Variants in DLG2 observed in about 807,000 individuals in gnomAD.
DLG2 encodes the protein disks large homolog 2.
In DLG2, 45 loss-of-function variants were observed where a neutral mutation model predicts 132.5. That is an observed-to-expected ratio of 0.34 (90% confidence interval 0.27 to 0.44). The LOEUF is 0.44. Ranked by LOEUF, DLG2 falls within the 20% of genes least tolerant of loss-of-function variation. The probability of loss-of-function intolerance (pLI) is 1.00; values close to 1 mark genes in which losing one functional copy is unlikely to be tolerated. For synonymous variants in DLG2, 424 were observed against 419.6 expected (o/e 1.01, Z -0.13); for missense variants, 1,045 against 1,196.9 (o/e 0.87, Z 1.87).
intron 7 of DLG2, among the ~76,000 whole-genome samples, chr11:84,329,729 C>T (rs572510104): frequency 6.6e-6 from 1 of 152,320 alleles, no homozygotes; most frequent in African/African-American, 2.4e-5. Flanking sequence ...CACAAGTGCT[C>T]ATTTAAGGGC....
At chr11:84,797,498 C>T (rs1246714146) in intron 6 of DLG2, among the ~76,000 whole-genome samples, 2 of 152,104 alleles carry the variant, frequency 1.3e-5, no homozygotes, top group Non-Finnish European at 2.9e-5. Context: ...TTGATCAATT[C>T]TGCTGTTGAG....
intron 6 of DLG2, among the ~76,000 whole-genome samples, chr11:84,642,327 A>C (rs1024553294): frequency 2.6e-5 from 4 of 151,990 alleles, no homozygotes; most frequent in Non-Finnish European, 4.4e-5. Context: ...CAACTCCTGC[A>C]GCTTTGTATA....
intron 4 of DLG2, among the ~76,000 whole-genome samples, chr11:85,182,193 T>A (rs1277902077): frequency 6.6e-6 from 1 of 151,878 alleles, no homozygotes; most frequent in African/African-American, 2.4e-5. Context: ...TTCACAAATA[T>A]CTTACGAGGG....
At chr11:85,538,827 C>T (rs1179368835) in intron 3 of DLG2, among the ~76,000 whole-genome samples, 1 of 151,628 alleles carries the variant, frequency 6.6e-6, no homozygotes, top group African/African-American at 2.4e-5. Context: ...ACAATGCACA[C>T]TGGGGCCTGT....
intron 3 of DLG2, among the ~76,000 whole-genome samples, chr11:85,467,104 C>G (rs1301870184): frequency 6.6e-6 from 1 of 152,108 alleles, no homozygotes; most frequent in Non-Finnish European, 1.5e-5. Context: ...TGATTTGGCT[C>G]TCTGTTTGTC....
At chr11:83,829,987 A>G (rs1170828165) in intron 17 of DLG2, among the ~76,000 whole-genome samples, 2 of 152,120 alleles carry the variant, frequency 1.3e-5, no homozygotes, top group Admixed American at 6.6e-5. Flanking sequence ...ATGAGTGAGA[A>G]CATGCGGTGT....
chr11:84,062,019 A>G (rs568412855), intron 10 of DLG2, among the ~76,000 whole-genome samples: 5 of 152,260 alleles, frequency 3.3e-5, no homozygotes, highest in African/African-American at 9.6e-5. Flanking sequence ...TCAGAATACT[A>G]ATTATATCTT....
intron 3 of DLG2, among the ~76,000 whole-genome samples, chr11:85,465,755 A>G (rs556920626): frequency 7.5e-4 from 114 of 152,212 alleles, no homozygotes; most frequent in African/African-American, 2.7e-3. Flanking sequence ...GAATAGTGCC[A>G]CAATAAACAT....
intron 18 of DLG2, among the ~76,000 whole-genome samples, chr11:83,729,860 C>G (rs888240384): frequency 7.9e-5 from 12 of 152,050 alleles, no homozygotes; most frequent in Non-Finnish European, 1.2e-4. Flanking sequence ...AACATATGAC[C>G]ATTAAAATAT....
At chr11:85,165,022 T>C (rs1258750716) in intron 4 of DLG2, among the ~76,000 whole-genome samples, 1 of 152,190 alleles carries the variant, frequency 6.6e-6, no homozygotes, top group Non-Finnish European at 1.5e-5. Flanking sequence ...TGTGCTTCGA[T>C]GAGCTCTCCA....
At chr11:84,812,088 G>C (rs904574509) in intron 6 of DLG2, among the ~76,000 whole-genome samples, 2 of 152,082 alleles carry the variant, frequency 1.3e-5, no homozygotes, top group African/African-American at 2.4e-5. Flanking sequence ...AAGCGTTTCA[G>C]ACACTGAAGA....
At chr11:84,697,495 AAC>A (rs750797980) in intron 6 of DLG2, among the ~76,000 whole-genome samples, 8 of 151,554 alleles carry the variant, frequency 5.3e-5, no homozygotes, top group Non-Finnish European at 8.9e-5. Flanking sequence ...TTTTTAGAAA[AAC>A]ACACAATAAA....
intron 6 of DLG2, among the ~76,000 whole-genome samples, chr11:84,896,648 CCA>C (rs773647861): frequency 4.8e-4 from 73 of 152,026 alleles, no homozygotes; most frequent in Middle Eastern, 6.8e-3. Flanking sequence ...TGCCACTTAT[CCA>C]CAGTTTTGTA....
At chr11:85,487,625 A>G (rs929487841) in intron 3 of DLG2, among the ~76,000 whole-genome samples, 10 of 152,222 alleles carry the variant, frequency 6.6e-5, no homozygotes, top group African/African-American at 2.4e-4. Flanking sequence ...ATCCAGTCAG[A>G]CAAAAATTTT....
intron 6 of DLG2, among the ~76,000 whole-genome samples, chr11:84,597,006 A>C (rs916134706): frequency 1.2e-4 from 19 of 152,264 alleles, no homozygotes; most frequent in Middle Eastern, 6.8e-3. Flanking sequence ...GGATCACCTG[A>C]GGTCAGGAGT....
At chr11:83,668,865 A>ATTT (rs200688548) in intron 18 of DLG2, among the ~76,000 whole-genome samples, 1 of 115,684 alleles carries the variant, frequency 8.6e-6, no homozygotes, top group Non-Finnish European at 1.7e-5. Flanking sequence ...ATATATATAT[A>ATTT]TATTTTTTTT....
chr11:83,592,678 A>T (rs2097207930), intron 19 of DLG2, among the ~76,000 whole-genome samples: 1 of 149,652 alleles, frequency 6.7e-6, no homozygotes, highest in Non-Finnish European at 1.5e-5. Flanking sequence ...CTGCACAGCA[A>T]AAGAAACTAC....
At chr11:85,013,035 T>G (rs745582107) in intron 6 of DLG2, among the ~76,000 whole-genome samples, 1 of 152,178 alleles carries the variant, frequency 6.6e-6, no homozygotes, top group Non-Finnish European at 1.5e-5. Context: ...GTGGAAAAAT[T>G]TAATGTCATG....
At chr11:84,442,910 T>C (rs1028607597) in intron 7 of DLG2, among the ~76,000 whole-genome samples, 1 of 152,188 alleles carries the variant, frequency 6.6e-6, no homozygotes, top group Non-Finnish European at 1.5e-5. Context: ...TGTCTTTGCA[T>C]GTTTTATCAC....
Sources: gnomAD v4.1 joint callset for allele counts (sites outside exome capture counted in the v4.1 genomes callset) on GRCh38, gnomAD v4.1.1 for gene constraint, MANE v1.5 for transcripts, NCBI Gene and HGNC (gene_info 2026-07-23, HGNC 2026-07-21) for gene names.